Variants in POLB observed in about 807,000 individuals in gnomAD.
The protein encoded by POLB is 5'-dRP lyase.
Under a neutral mutation model 52.7 loss-of-function variants are expected in POLB, and 37 were observed. The ratio of observed to expected loss-of-function variants is 0.70; its 90% confidence interval spans 0.54 to 0.92. The LOEUF is 0.92. Ranked by LOEUF, POLB falls within the 40% of genes least tolerant of loss-of-function variation. POLB has a pLI of 0.00. For synonymous variants in POLB, 138 were observed against 131.3 expected (o/e 1.05, Z -0.35); for missense variants, 313 against 400.8 (o/e 0.78, Z 1.87).
At chr8:42,363,527 CAAAAAAAAAAAAA>C (rs1163249252) in intron 11 of POLB, among the ~76,000 whole-genome samples, 38 of 15,840 alleles carry the variant, frequency 2.4e-3, no homozygotes, top group East Asian at 3.1e-3. Context: ...GACTCTGTCT[CAAAAAAAAAAAAA>C]AAAAAAAAAA....
intron 7 of POLB, 73 bp downstream of exon 7, chr8:42,355,640 A>G (rs1823265485): frequency 1.1e-6 from 1 of 871,412 alleles, no homozygotes; most frequent in African/African-American, 1.7e-5. Flanking sequence ...TTTATACACC[A>G]GAAGGACTCT....
chr8:42,342,019 G>T, intron 2 of POLB: 1 of 770,340 alleles, frequency 1.3e-6, no homozygotes, highest in Non-Finnish European at 2.4e-6. Flanking sequence ...CTTCCATTAA[G>T]TAGTGCATGT....
intron 3 of POLB, among the ~76,000 whole-genome samples, chr8:42,348,583 C>A (rs887370735): frequency 6.6e-6 from 1 of 152,104 alleles, no homozygotes; most frequent in Non-Finnish European, 1.5e-5. Context: ...GTGGGACTTA[C>A]ATTCTGTGTT....
chr8:42,341,713 TGTCCATAAG>T, intron 2 of POLB: 2 of 293,198 alleles, frequency 6.8e-6, no homozygotes, highest in African/African-American at 2.2e-5. Flanking sequence ...TTTTTTTTTC[TGTCCATAAG>T]TTTATTGTCT....
In POLB at chr8:42,339,141, T is replaced by A. The variant is rs1822036224; in HGVS notation, c.119+72T>A. The stretch of plus-strand genomic sequence containing the variant: ...TGTTTAGTGTGGCAATTAACAGGAC[T>A]GAGGGCCCAGTGGATATTTGGTCCA... On this transcript the variant is annotated intron_variant, in intron 2 of 13. Transcript: ENST00000265421. 2.6e-6 allele frequency: 3 copies of A among 1,150,950 alleles called. No homozygotes were observed. The African/African-American group carries it at 4.5e-5, about 17-fold the overall frequency. 71.3% of individuals were successfully genotyped at this position (1,150,950 alleles called of 1,614,324 possible).
At chr8:42,362,911 G>C (rs1286468325) in intron 11 of POLB, among the ~76,000 whole-genome samples, 1 of 151,660 alleles carries the variant, frequency 6.6e-6, no homozygotes, top group Non-Finnish European at 1.5e-5. Context: ...GATCGCCTGA[G>C]GTCGGGAGCT....
intron 5 of POLB, 30 bp downstream of exon 5, chr8:42,350,095 C>T (rs373934594): frequency 3.8e-5 from 54 of 1,433,548 alleles, no homozygotes; most frequent in African/African-American, 8.4e-5. Flanking sequence ...CAGACACAAT[C>T]GTCAGTTAGT....
intron 3 of POLB, among the ~76,000 whole-genome samples, chr8:42,346,989 A>G (rs1025527111): frequency 1.3e-5 from 2 of 151,818 alleles, no homozygotes; most frequent in Admixed American, 6.6e-5. Context: ...CTCAGGAACT[A>G]CTCCTGCTTC....
chr8:42,353,026 G>T (rs1823070888), intron 6 of POLB, among the ~76,000 whole-genome samples: 1 of 151,184 alleles, frequency 6.6e-6, no homozygotes. Flanking sequence ...TTGAGCCGAG[G>T]TGGTGCCACT....
At chr8:42,369,544 T>C (rs1015474687) in intron 12 of POLB, 15 of 522,252 alleles carry the variant, frequency 2.9e-5, no homozygotes, top group Non-Finnish European at 4.7e-5. Context: ...TCTCTAGATT[T>C]GCACCTCACC....
chr8:42,343,005 A>G (rs1028109261), intron 2 of POLB, among the ~76,000 whole-genome samples: 3 of 152,016 alleles, frequency 2.0e-5, no homozygotes, highest in Non-Finnish European at 4.4e-5. Flanking sequence ...CCTGGCCAAC[A>G]TGGTGAAGAC....
In POLB at chr8:42,357,318, A is replaced by T. The variant is rs761102486; in HGVS notation, c.478-2A>T. 6.6e-7 allele frequency: 1 copy of T among 1,522,620 alleles called. No homozygotes were observed. The highest frequency in any genetic ancestry group is 2.3e-5 in the East Asian group (1 of 44,378). 94.3% of individuals were successfully genotyped at this position (1,522,620 alleles called of 1,614,324 possible). A position where few individuals can be genotyped will look rare whatever the true frequency, so the allele number is the denominator to read the frequency against. On this transcript the variant is annotated splice_acceptor_variant, in intron 8 of 13. Transcript: ENST00000265421. LOFTEE classifies it high-confidence loss of function. ...ATACTGACTTAATTTTTCTTCTATT[A>T]GGATATTGTACTAAATGAAGTTAAA...
At chr8:42,348,642 CTCTG>C (rs1256824652) in intron 3 of POLB, among the ~76,000 whole-genome samples, 2 of 152,194 alleles carry the variant, frequency 1.3e-5, no homozygotes, top group Admixed American at 1.3e-4. Flanking sequence ...GCTTGACAAC[CTCTG>C]TTCTAAAGGA....
intron 9 of POLB, among the ~76,000 whole-genome samples, chr8:42,359,791 G>A (rs3136762): frequency 1.8e-3 from 261 of 145,334 alleles, no homozygotes; most frequent in African/African-American, 6.3e-3. Context: ...CTTTGTTTTT[G>A]TTTTTTTTTT....
chr8:42,350,134 A>G, intron 5 of POLB, 69 bp downstream of exon 5: 1 of 1,010,218 alleles, frequency 9.9e-7, no homozygotes, highest in Non-Finnish European at 1.6e-6. Flanking sequence ...AAAGTAAATT[A>G]CATGCTGTTT....
At chr8:42,339,137 G>A (rs1347862277) in intron 2 of POLB, 68 bp downstream of exon 2, 20 of 1,187,156 alleles carry the variant, frequency 1.7e-5, no homozygotes, top group Middle Eastern at 1.9e-4. Flanking sequence ...GCAATTAACA[G>A]GACTGAGGGC....
chr8:42,364,083 C>T (rs142831361), intron 11 of POLB, among the ~76,000 whole-genome samples: 2,111 of 151,992 alleles, frequency 0.014, 51 homozygotes, highest in African/African-American at 0.049. Flanking sequence ...CCTGCCACCA[C>T]GCCCAGCTAA....
At chr8:42,346,473 C>G (rs1356588089) in intron 3 of POLB, among the ~76,000 whole-genome samples, 1 of 151,168 alleles carries the variant, frequency 6.6e-6, no homozygotes, top group East Asian at 1.9e-4. Context: ...GCAGCCTTGA[C>G]CCTCCCAGCC....
intron 2 of POLB, among the ~76,000 whole-genome samples, chr8:42,340,692 T>C (rs1005363608): frequency 4.6e-5 from 7 of 152,228 alleles, no homozygotes; most frequent in Admixed American, 3.9e-4. Context: ...TGTGTATCAC[T>C]GGACTTTTTT....
Sources: allele counts gnomAD v4.1 joint callset (sites outside exome capture counted in the v4.1 genomes callset), GRCh38; gene constraint gnomAD v4.1.1; transcripts MANE v1.5; gene names NCBI Gene and HGNC (gene_info 2026-07-23, HGNC 2026-07-21).